Variants in THRB observed in about 807,000 individuals in gnomAD.
The protein encoded by THRB is nuclear receptor subfamily 1 group A member 2.
THRB carries 12 observed loss-of-function variants against 47.8 expected under a neutral mutation model. The observed-to-expected ratio is 0.25, with a 90% CI of 0.16 to 0.41. THRB has a LOEUF of 0.41. THRB is among the 10% of genes least tolerant of loss of function. THRB has a pLI of 1.00. For missense variants in THRB, 348 were observed against 589.2 expected (o/e 0.59, Z 4.24); for synonymous variants, 218 against 212.2 (o/e 1.03, Z -0.24).
chr3:24,380,154 A>T (rs1416578420), intron 1 of THRB, among the ~76,000 whole-genome samples: 1 of 147,622 alleles, frequency 6.8e-6, no homozygotes. Context: ...GGCACACTAG[A>T]TGTATGTTTA....
intron 3 of THRB, among the ~76,000 whole-genome samples, chr3:24,280,624 C>A (rs915266804): frequency 1.3e-5 from 2 of 152,020 alleles, no homozygotes; most frequent in African/African-American, 4.8e-5. Flanking sequence ...AGGCTTCAGA[C>A]GATCAAATTA....
intron 1 of THRB, among the ~76,000 whole-genome samples, chr3:24,367,918 A>G (rs927713664): frequency 3.3e-5 from 5 of 152,164 alleles, no homozygotes; most frequent in Non-Finnish European, 5.9e-5. Flanking sequence ...CTGGGGCTCA[A>G]TACAAGGAGG....
At chr3:24,373,579 T>C (rs565147309) in intron 1 of THRB, among the ~76,000 whole-genome samples, 15 of 152,094 alleles carry the variant, frequency 9.9e-5, no homozygotes, top group Admixed American at 4.6e-4. Flanking sequence ...TCTATGAAAA[T>C]AGATGAAGCG....
chr3:24,231,401 T>C (rs1250611129), intron 3 of THRB, among the ~76,000 whole-genome samples: 1 of 152,140 alleles, frequency 6.6e-6, no homozygotes, highest in Non-Finnish European at 1.5e-5. Flanking sequence ...AAAATCTTAA[T>C]TCTATATAAG....
At chr3:24,347,634 T>C (rs1347239369) in intron 1 of THRB, among the ~76,000 whole-genome samples, 2 of 150,828 alleles carry the variant, frequency 1.3e-5, no homozygotes, top group African/African-American at 2.4e-5. Context: ...AAAATTTCTT[T>C]TTAAAGAATA....
intron 1 of THRB, among the ~76,000 whole-genome samples, chr3:24,457,602 T>C (rs1340922937): frequency 6.6e-6 from 1 of 152,192 alleles, no homozygotes; most frequent in Non-Finnish European, 1.5e-5. Flanking sequence ...AAACCACAGG[T>C]TTAAAGAACA....
At chr3:24,445,740 G>T (rs1453712436) in intron 1 of THRB, among the ~76,000 whole-genome samples, 1 of 152,012 alleles carries the variant, frequency 6.6e-6, no homozygotes, top group Non-Finnish European at 1.5e-5. Context: ...CCCTTTGATT[G>T]CCTCTCCTAG....
At chr3:24,239,231 T>G (rs1576222183) in intron 3 of THRB, among the ~76,000 whole-genome samples, 1 of 152,166 alleles carries the variant, frequency 6.6e-6, no homozygotes, top group Non-Finnish European at 1.5e-5. Context: ...CGTGAGCCAC[T>G]GCATTCAGTC....
intron 2 of THRB, among the ~76,000 whole-genome samples, chr3:24,325,298 T>C (rs2058731572): frequency 6.6e-6 from 1 of 152,338 alleles, no homozygotes; most frequent in Admixed American, 6.5e-5. Context: ...GCTGGCATGA[T>C]GCCTGTCATA....
intron 3 of THRB, among the ~76,000 whole-genome samples, chr3:24,247,359 G>T (rs933088688): frequency 7.9e-5 from 12 of 152,092 alleles, no homozygotes; most frequent in African/African-American, 1.2e-4. Context: ...TAAGTTCTAG[G>T]GAACCTGCTA....
chr3:24,145,914 C>A (rs2036022718), intron 7 of THRB, among the ~76,000 whole-genome samples: 4 of 152,018 alleles, frequency 2.6e-5, no homozygotes, highest in Admixed American at 2.6e-4. Context: ...AATACTGATG[C>A]CTGGCAAAAG....
intron 8 of THRB, among the ~76,000 whole-genome samples, chr3:24,136,223 T>A (rs913121519): frequency 6.6e-6 from 1 of 152,178 alleles, no homozygotes; most frequent in Non-Finnish European, 1.5e-5. Context: ...GAAATATATA[T>A]CAAGGTAGAA....
At chr3:24,174,269 A>G (rs2040842642) in intron 5 of THRB, among the ~76,000 whole-genome samples, 1 of 152,206 alleles carries the variant, frequency 6.6e-6, no homozygotes, top group African/African-American at 2.4e-5. Context: ...AGATCTGTTC[A>G]AGTAGAAATT....
intron 5 of THRB, among the ~76,000 whole-genome samples, chr3:24,182,598 T>C (rs1559532647): frequency 1.3e-5 from 2 of 152,368 alleles, no homozygotes; most frequent in East Asian, 3.9e-4. Context: ...ATAGTCTTTC[T>C]GGCTCATTGT....
intron 2 of THRB, among the ~76,000 whole-genome samples, chr3:24,331,249 C>T (rs562516155): frequency 2.6e-5 from 4 of 151,930 alleles, no homozygotes; most frequent in African/African-American, 9.7e-5. Context: ...TAAGTCTACT[C>T]CTCCTAAAAT....
At chr3:24,409,193 C>T (rs1165204773) in intron 1 of THRB, among the ~76,000 whole-genome samples, 1 of 151,764 alleles carries the variant, frequency 6.6e-6, no homozygotes, top group Admixed American at 6.6e-5. Context: ...CAATCCCTGA[C>T]TACAGATTTA....
At chr3:24,491,923 G>A (rs1159621557) in intron 1 of THRB, among the ~76,000 whole-genome samples, 1 of 152,230 alleles carries the variant, frequency 6.6e-6, no homozygotes, top group African/African-American at 2.4e-5. Context: ...ATGCCCTTAG[G>A]AGGAACTCGC....
At chr3:24,404,139 C>T (rs1460548627) in intron 1 of THRB, among the ~76,000 whole-genome samples, 2 of 151,874 alleles carry the variant, frequency 1.3e-5, no homozygotes, top group African/African-American at 4.8e-5. Flanking sequence ...GAATATTGTA[C>T]TATATAATGA....
chr3:24,347,046 A>T (rs2149502997), intron 1 of THRB, among the ~76,000 whole-genome samples: 1 of 152,194 alleles, frequency 6.6e-6, no homozygotes, highest in South Asian at 2.1e-4. Flanking sequence ...CAAACATAAG[A>T]TGTTTACTGA....
Sources: allele counts gnomAD v4.1 joint callset (sites outside exome capture counted in the v4.1 genomes callset), GRCh38; gene constraint gnomAD v4.1.1; transcripts MANE v1.5; gene names NCBI Gene and HGNC (gene_info 2026-07-23, HGNC 2026-07-21).